Variants in GRIK4 observed in about 807,000 individuals in gnomAD.
GRIK4 encodes glutamate receptor ionotropic, kainate 4.
In GRIK4, 40 loss-of-function variants were observed where a neutral mutation model predicts 104.9. The ratio of observed to expected loss-of-function variants is 0.38; its 90% CI spans 0.30 to 0.50. GRIK4 has a LOEUF of 0.50. Among genes scored for constraint, GRIK4 ranks in the 20% least tolerant of loss-of-function variants. The pLI is 0.93. For synonymous variants in GRIK4, 485 were observed against 524.9 expected (o/e 0.92, Z 1.04); for missense variants, 1,047 against 1,308.1 (o/e 0.80, Z 3.08).
intron 3 of GRIK4, among the ~76,000 whole-genome samples, chr11:120,675,220 A>G (rs10892600): frequency 0.16 from 23,700 of 152,216 alleles, 2,002 homozygotes; most frequent in South Asian, 0.23. Flanking sequence ...TGATCTCCCA[A>G]AGAGCACGGT....
chr11:120,817,481 C>T (rs1320043488), intron 5 of GRIK4, among the ~76,000 whole-genome samples: 1 of 152,206 alleles, frequency 6.6e-6, no homozygotes, highest in African/African-American at 2.4e-5. Context: ...TATGCTGATT[C>T]TCCCCTGCTC....
chr11:120,664,510 C>T (rs1949871685), intron 3 of GRIK4, among the ~76,000 whole-genome samples: 1 of 152,282 alleles, frequency 6.6e-6, no homozygotes, highest in South Asian at 2.1e-4. Context: ...CCAAACAATC[C>T]CCTGTTACAG....
chr11:120,635,182 T>C (rs980872704), intron 1 of GRIK4, among the ~76,000 whole-genome samples: 1 of 152,180 alleles, frequency 6.6e-6, no homozygotes, highest in Admixed American at 6.5e-5. Flanking sequence ...TCAGAGATCA[T>C]CTTGGGTTAG....
At chr11:120,617,473 A>G (rs1291985778) in intron 1 of GRIK4, among the ~76,000 whole-genome samples, 1 of 152,106 alleles carries the variant, frequency 6.6e-6, no homozygotes, top group Non-Finnish European at 1.5e-5. Flanking sequence ...TCAGCCTCGC[A>G]GGCCCAAGTG....
chr11:120,986,555 A>T lies in GRIK4; in HGVS notation c.*295A>T. On this transcript the variant is annotated 3_prime_UTR_variant, in exon 21 of 21. Coordinates refer to ENST00000527524, the MANE Select transcript of GRIK4 (RefSeq NM_014619.5). ...GTCTTTCCCTCTCGCCAAAATAACA[A>T]GAGTATAGGGTGGGGGGTCCCTACC... is the stretch of plus-strand genomic sequence containing the variant. The T allele has an allele frequency of 2.7e-6, 1 of 376,170 alleles. No individual in the cohort carries two copies. Among genetic ancestry groups the T allele is most frequent in the Non-Finnish European group, 4.7e-6 (1 of 211,928 alleles). The allele number at this position is 376,170 out of a possible 1,614,324, so 23.3% of individuals were successfully genotyped here.
At chr11:120,642,135 T>C (rs1949478499) in intron 1 of GRIK4, among the ~76,000 whole-genome samples, 2 of 152,214 alleles carry the variant, frequency 1.3e-5, no homozygotes, top group African/African-American at 4.8e-5. Context: ...ATGTCCCCAG[T>C]ACGGAATACA....
At position 120,802,793 on chromosome 11, in the gene GRIK4, G is replaced by A. The variant is rs573156815; in HGVS notation, c.183G>A (p.Lys61=). ...RINRAPERLG[K]AKVEVDIFEL... is the part of the protein sequence containing the mutation. ...ACCGCGCTCCTGAGAGGCTGGGCAA[G>A]GCCAAGGTCGAAGTGGACATCTTTG... The change falls in exon 4 of 21, where the codon AAG becomes AAA. Residue 61 remains lysine (K), a synonymous_variant. Transcript: ENST00000527524. 1 of 1,614,212 alleles carries A rather than the reference G, an allele frequency of 6.2e-7. No homozygotes were observed. The highest frequency in any genetic ancestry group is 1.3e-5 in the African/African-American group (1 of 75,064).
At chr11:120,735,477 C>T (rs1460846680) in intron 3 of GRIK4, among the ~76,000 whole-genome samples, 2 of 152,096 alleles carry the variant, frequency 1.3e-5, no homozygotes, top group Non-Finnish European at 2.9e-5. Flanking sequence ...TCAAATTGCC[C>T]TGGGTCATGC....
intron 1 of GRIK4, among the ~76,000 whole-genome samples, chr11:120,634,775 G>A (rs1156772700): frequency 1.3e-5 from 2 of 152,126 alleles, no homozygotes; most frequent in Non-Finnish European, 2.9e-5. Context: ...GTGGGCAGGA[G>A]GGGGCGATTC....
rs529624575 is a variant in GRIK4, at chr11:120,967,757, T to C, written c.2395+434T>C. On this transcript the variant is annotated intron_variant, in intron 19 of 20. Transcript: ENST00000527524. The surrounding 1 kb of genome is among the most constrained non-coding windows in gnomAD (Gnocchi z 4.2). ...AGCATTCCCCCCACAAACCTCCCAA[T>C]GGTTTCCCATCCCACTGGGAATAAA... 6.6e-6 allele frequency among the ~76,000 whole-genome samples: 1 copy of C among 152,184 alleles called. No homozygotes were observed. Among genetic ancestry groups the C allele is most frequent in the South Asian group, 2.1e-4 (1 of 4,796 alleles).
intron 1 of GRIK4, chr11:120,620,219 T>A (rs757115545): frequency 1.0e-4 from 80 of 782,404 alleles, no homozygotes; most frequent in Non-Finnish European, 1.3e-4. Flanking sequence ...TTGACATACA[T>A]GGCATCAGGG....
chr11:120,702,833 G>A (rs1228111934), intron 3 of GRIK4, among the ~76,000 whole-genome samples: 2 of 152,218 alleles, frequency 1.3e-5, no homozygotes, highest in African/African-American at 4.8e-5. Flanking sequence ...TCTGAGTAGA[G>A]CTTGAGGCTT....
intron 13 of GRIK4, chr11:120,936,157 C>T (rs993784632): frequency 5.7e-5 from 11 of 193,756 alleles, no homozygotes; most frequent in East Asian, 1.6e-4. Context: ...TCTGCTGCAT[C>T]GGACTTTCTT....
chr11:120,561,839 T>C (rs1157589994), intron 1 of GRIK4, among the ~76,000 whole-genome samples: 1 of 152,242 alleles, frequency 6.6e-6, no homozygotes, highest in Admixed American at 6.5e-5. Flanking sequence ...GTCATATATC[T>C]GGATCTGACT....
chr11:120,915,655 G>A (rs1004441222), intron 13 of GRIK4, among the ~76,000 whole-genome samples: 4 of 152,076 alleles, frequency 2.6e-5, no homozygotes. Context: ...GCTTATAGGG[G>A]GTCTGAATGG....
intron 1 of GRIK4, among the ~76,000 whole-genome samples, chr11:120,591,696 C>T (rs1315465836): frequency 6.6e-6 from 1 of 152,140 alleles, no homozygotes; most frequent in African/African-American, 2.4e-5. Context: ...TCTCTTTGTC[C>T]TAGACAGCTC....
In GRIK4 at chr11:120,985,950, T is replaced by G; in HGVS notation, c.2561T>G (p.Leu854Arg). The G allele has an allele frequency of 6.5e-7, 1 of 1,549,014 alleles. No homozygotes were observed. The highest frequency in any genetic ancestry group is 8.7e-7 in the Non-Finnish European group (1 of 1,146,362). Residue 854 changes from leucine to arginine, a missense_variant, in exon 21 of 21, where the codon CTG (leucine) becomes CGG (arginine). Leu to Arg is a moderately radical substitution (Grantham distance 102). Around this residue, in one of 3 missense-constraint regions of GRIK4, gnomAD observed 440 missense variants for 652.3 expected, o/e 0.67. Transcript: ENST00000527524. ...EMVTELRSII[L>R]CQDSIHPRRR... ...GTGACCGAGCTGCGCAGCATTATCC[T>G]GTGTCAGGACAGTATCCACCCCCGC...
intron 19 of GRIK4, among the ~76,000 whole-genome samples, chr11:120,979,162 T>C (rs749271534): frequency 6.6e-6 from 1 of 152,194 alleles, no homozygotes; most frequent in Non-Finnish European, 1.5e-5. Context: ...GGCTTCAGAA[T>C]GCAAAAAGGA....
intron 1 of GRIK4, among the ~76,000 whole-genome samples, chr11:120,573,287 G>C (rs1347493404): frequency 6.6e-6 from 1 of 152,174 alleles, no homozygotes; most frequent in Admixed American, 6.5e-5. Context: ...TTAGTCATCT[G>C]TGTGGGCATT....
Sources: allele counts gnomAD v4.1 joint callset (sites outside exome capture counted in the v4.1 genomes callset), GRCh38; gene constraint gnomAD v4.1.1; regional missense constraint gnomAD v4.1.1; non-coding constraint Gnocchi (gnomAD v3.1); transcripts MANE v1.5; gene names NCBI Gene and HGNC (gene_info 2026-07-23, HGNC 2026-07-21).